TRIM24: variants seen among roughly 807,000 people sequenced by gnomAD.
The protein encoded by TRIM24 is transcription intermediary factor 1-alpha.
Under a neutral mutation model 123.9 loss-of-function variants are expected in TRIM24, and 29 were observed. That is an observed-to-expected ratio of 0.23 (90% CI 0.17 to 0.32). The LOEUF (loss-of-function observed/expected upper bound fraction) is 0.32. Among genes scored for constraint, TRIM24 ranks in the 10% least tolerant of loss-of-function variants. TRIM24 has a pLI of 1.00. For synonymous variants in TRIM24, 456 were observed against 461.1 expected (o/e 0.99, Z 0.14); for missense variants, 932 against 1,295.3 (o/e 0.72, Z 4.31).
intron 2 of TRIM24, among the ~76,000 whole-genome samples, chr7:138,512,739 T>G (rs570114186): frequency 1.3e-5 from 2 of 152,206 alleles, no homozygotes; most frequent in South Asian, 4.1e-4. Flanking sequence ...CTTCTAGGCC[T>G]CTGGGCCTGT....
At chr7:138,532,774 A>G (rs541505268) in intron 6 of TRIM24, among the ~76,000 whole-genome samples, 4 of 152,308 alleles carry the variant, frequency 2.6e-5, no homozygotes, top group African/African-American at 7.2e-5. Flanking sequence ...CTCAACGGGG[A>G]TGGCATTGAA....
chr7:138,541,654 T>C (rs546665969), intron 7 of TRIM24, among the ~76,000 whole-genome samples: 4 of 152,364 alleles, frequency 2.6e-5, no homozygotes, highest in South Asian at 2.1e-4. Flanking sequence ...ATCAGCTACA[T>C]TAGTCCCTAA....
At chr7:138,573,366 C>CTGTT in intron 11 of TRIM24, 141 bp from the exon 12 acceptor site, 1 of 743,822 alleles carries the variant, frequency 1.3e-6, no homozygotes, top group South Asian at 4.0e-5. Flanking sequence ...GGGAAAATAT[C>CTGTT]TGTTAGAACT....
intron 6 of TRIM24, among the ~76,000 whole-genome samples, chr7:138,537,144 C>G (rs938214533): frequency 6.6e-6 from 1 of 152,098 alleles, no homozygotes; most frequent in Non-Finnish European, 1.5e-5. Flanking sequence ...AAGGGAATTC[C>G]CTGACGCCTT....
chr7:138,510,502 A>C (rs1338649929), intron 2 of TRIM24, among the ~76,000 whole-genome samples: 1 of 151,840 alleles, frequency 6.6e-6, no homozygotes, highest in Non-Finnish European at 1.5e-5. Context: ...GCTCACTGCA[A>C]CCTCCACCTC....
At chr7:138,538,914 T>G in intron 7 of TRIM24, 111 bp downstream of exon 7, 1 of 940,846 alleles carries the variant, frequency 1.1e-6, no homozygotes, top group Non-Finnish European at 1.5e-6. Context: ...TTTACCTATT[T>G]CTAATATCTA....
At chr7:138,578,469 A>T (rs1005261574) in intron 14 of TRIM24, among the ~76,000 whole-genome samples, 1 of 152,146 alleles carries the variant, frequency 6.6e-6, no homozygotes, top group Non-Finnish European at 1.5e-5. Flanking sequence ...CTACCAACTA[A>T]AACAATCAAT....
chr7:138,575,134 G>A (rs1797729582), intron 12 of TRIM24, among the ~76,000 whole-genome samples: 1 of 152,114 alleles, frequency 6.6e-6, no homozygotes, highest in African/African-American at 2.4e-5. Flanking sequence ...CCATATAAAA[G>A]ATGTAAAAGT....
chr7:138,493,316 A>G (rs1339429343), intron 1 of TRIM24, among the ~76,000 whole-genome samples: 1 of 152,230 alleles, frequency 6.6e-6, no homozygotes, highest in Non-Finnish European at 1.5e-5. Flanking sequence ...TCGTTTGTTG[A>G]GAACCAAACA....
intron 1 of TRIM24, among the ~76,000 whole-genome samples, chr7:138,471,071 G>A (rs1416329387): frequency 6.6e-6 from 1 of 152,078 alleles, no homozygotes; most frequent in Admixed American, 6.5e-5. Context: ...AACAAGAAGT[G>A]GGCCTAAAAG....
At chr7:138,582,358 C>T (rs1414034066) in intron 17 of TRIM24, among the ~76,000 whole-genome samples, 3 of 152,076 alleles carry the variant, frequency 2.0e-5, no homozygotes, top group East Asian at 1.9e-4. Flanking sequence ...CTGGCTAACA[C>T]GGTGAAACCC....
chr7:138,568,319 C>T (rs1797577592), intron 10 of TRIM24, among the ~76,000 whole-genome samples: 1 of 143,452 alleles, frequency 7.0e-6, no homozygotes, highest in African/African-American at 2.5e-5. Context: ...GACTGGGTTT[C>T]ACCGTGTTAG....
intron 1 of TRIM24, among the ~76,000 whole-genome samples, chr7:138,486,099 A>G (rs944319762): frequency 6.6e-6 from 1 of 152,194 alleles, no homozygotes; most frequent in Non-Finnish European, 1.5e-5. Flanking sequence ...AGTGATGATG[A>G]GCATTTTTCA....
intron 7 of TRIM24, among the ~76,000 whole-genome samples, chr7:138,546,802 G>C (rs1481297511): frequency 1.3e-5 from 2 of 152,186 alleles, no homozygotes; most frequent in African/African-American, 4.8e-5. Context: ...GTGTTGGAGA[G>C]GATGTGGAGA....
chr7:138,516,227 G>A (rs533767958), intron 3 of TRIM24, among the ~76,000 whole-genome samples: 4 of 152,234 alleles, frequency 2.6e-5, no homozygotes, highest in East Asian at 3.9e-4. Flanking sequence ...GCGTGAACCC[G>A]GGAGGCGGAG....
intron 2 of TRIM24, among the ~76,000 whole-genome samples, chr7:138,504,777 T>G (rs1047348102): frequency 6.9e-6 from 1 of 144,104 alleles, no homozygotes; most frequent in Non-Finnish European, 1.5e-5. Flanking sequence ...TTTTTTTTAA[T>G]TGAGATGGAG....
chr7:138,557,369 T>G (rs1797336436), intron 9 of TRIM24, among the ~76,000 whole-genome samples: 1 of 152,224 alleles, frequency 6.6e-6, no homozygotes, highest in Non-Finnish European at 1.5e-5. Context: ...AAAGGCAGGT[T>G]TCTTCCTTTG....
At chr7:138,579,111 AG>A in intron 14 of TRIM24, 92 bp from the exon 15 acceptor site, 1 of 1,010,406 alleles carries the variant, frequency 9.9e-7, no homozygotes, top group Non-Finnish European at 1.4e-6. Flanking sequence ...TGAAGCAGCC[AG>A]GTGCTCACCA....
At chr7:138,504,125 A>T (rs1796098240) in intron 1 of TRIM24, among the ~76,000 whole-genome samples, 165 bp from the exon 2 acceptor site, 1 of 152,246 alleles carries the variant, frequency 6.6e-6, no homozygotes, top group South Asian at 2.1e-4. Flanking sequence ...TGTGATGTAT[A>T]GATAAAATTA....
Sources: allele counts gnomAD v4.1 joint callset (sites outside exome capture counted in the v4.1 genomes callset), GRCh38; gene constraint gnomAD v4.1.1; transcripts MANE v1.5; gene names NCBI Gene and HGNC (gene_info 2026-07-23, HGNC 2026-07-21).